Variants in TRAPPC2 observed in about 807,000 individuals in gnomAD.
The protein encoded by TRAPPC2 is sedlin.
TRAPPC2 carries 4 observed loss-of-function variants against 10.0 expected under a neutral mutation model. The ratio of observed to expected loss-of-function variants is 0.40; its 90% CI spans 0.20 to 0.92. The LOEUF (loss-of-function observed/expected upper bound fraction) is 0.92. Ranked by LOEUF, TRAPPC2 falls within the 40% of genes least tolerant of loss-of-function variation. TRAPPC2 has a pLI of 0.35. For missense variants in TRAPPC2, 52 were observed against 108.7 expected, an observed-to-expected ratio of 0.48 and a Z score of 2.32; for synonymous variants, 36 against 37.3, an observed-to-expected ratio of 0.97 and a Z score of 0.12.
intron 3 of TRAPPC2, among the ~76,000 whole-genome samples, chrX:13,717,418 T>A (rs1469777013): frequency 1.8e-5 from 2 of 112,294 alleles, no homozygotes; most frequent in Non-Finnish European, 3.8e-5. Flanking sequence ...GAACTTGGAA[T>A]GCAGTCTTAC....
chrX:13,734,427 G>A (rs762988620), intron 1 of TRAPPC2, 98 bp downstream of exon 1: 33 of 256,061 alleles, frequency 1.3e-4, no homozygotes, highest in Non-Finnish European at 2.2e-4. Context: ...CCGGGGAGGG[G>A]TGGAGGTACA....
rs2046257011 is a variant in TRAPPC2 at position 13,714,345 on chromosome X, A to C, written c.*62T>G. 1 of 718,343 alleles carries C rather than the reference A, an allele frequency of 1.4e-6. No individual in the cohort carries two copies. Among genetic ancestry groups the C allele is most frequent in the African/African-American group, 2.2e-5 (1 of 46,089 alleles). 59.2% of individuals were successfully genotyped at this position (718,343 alleles called of 1,213,427 possible). A position where few individuals can be genotyped will look rare whatever the true frequency, so the allele number is the denominator to read the frequency against. ...AGGCTATTTAATCAAGTAACTTACA[A>C]TGTACACATTCCTGAGTATACACCA... is the stretch of plus-strand genomic sequence containing the variant. On this transcript the variant is annotated 3_prime_UTR_variant, in exon 6 of 6. Transcript: ENST00000380579.
chrX:13,720,819 A>G (rs2046390197), intron 2 of TRAPPC2: 1 of 110,991 alleles, frequency 9.0e-6, no homozygotes, highest in African/African-American at 3.3e-5. Flanking sequence ...TCAGCCCAGG[A>G]CTTCGAGACC....
At chrX:13,716,501 A>T (rs2046288782) in intron 4 of TRAPPC2, 33 bp downstream of exon 4, 2 of 1,208,837 alleles carry the variant, frequency 1.7e-6, no homozygotes, top group Non-Finnish European at 2.2e-6. Flanking sequence ...CCCAAACTTT[A>T]GTTAGTTACC....
chrX:13,715,112 T>C (rs1214052624), intron 5 of TRAPPC2, among the ~76,000 whole-genome samples: 1 of 112,910 alleles, frequency 8.9e-6, no homozygotes, highest in Non-Finnish European at 1.9e-5. Flanking sequence ...CTAGGAATAC[T>C]GTTAAATTGT....
At chrX:13,724,976 G>T (rs1167995253) in intron 2 of TRAPPC2, among the ~76,000 whole-genome samples, 1 of 113,319 alleles carries the variant, frequency 8.8e-6, no homozygotes, top group Non-Finnish European at 1.9e-5. Flanking sequence ...CAGGTCCCAC[G>T]CCCACGGAGC....
chrX:13,730,615 C>G (rs748702052), intron 2 of TRAPPC2, among the ~76,000 whole-genome samples: 2 of 111,569 alleles, frequency 1.8e-5, no homozygotes, highest in Non-Finnish European at 3.8e-5. Context: ...GACACAAGCA[C>G]ACGTATGTTT....
In TRAPPC2 at chrX:13,713,993, A is replaced by C. The variant is rs888398525; in HGVS notation, c.*414T>G. The C allele has an allele frequency of 1.8e-5, 2 of 108,630 alleles. No homozygotes were observed. Among genetic ancestry groups the C allele is most frequent in the African/African-American group, 6.7e-5 (2 of 29,632 alleles). The allele number at this position is 108,630 out of a possible 1,213,427, so 9.0% of individuals were successfully genotyped here. On this transcript the variant is annotated 3_prime_UTR_variant, in exon 6 of 6. Transcript: ENST00000380579. ...ACCCTGTCTCTACTAAAAATACAAAAATTAGCCGGGCGTGGTGGCACGCGC... is the reference window on the plus strand; with the variant it reads ...ACCCTGTCTCTACTAAAAATACAAACATTAGCCGGGCGTGGTGGCACGCGC...
Position 13,734,091 on chromosome X carries a change from T to C in TRAPPC2, c.-67A>G, listed in dbSNP as rs1175381015. ...GTTGGTACTCTAAAACGTTTAGCTC[T>C]GTGGATCTCAACCCGGAGCGATCTT... On this transcript the variant is annotated 5_prime_UTR_variant, in exon 2 of 6. Coordinates refer to ENST00000380579, the MANE Select transcript of TRAPPC2 (RefSeq NM_001011658.4). 1.9e-6 allele frequency: 1 copy of C among 514,484 alleles called. No individual in the cohort carries two copies. Among genetic ancestry groups the C allele is most frequent in the Non-Finnish European group, 3.5e-6 (1 of 286,562 alleles). The allele number at this position is 514,484 out of a possible 1,213,427, so 42.4% of individuals were successfully genotyped here.
At chrX:13,719,791 T>C in intron 3 of TRAPPC2, 80 bp downstream of exon 3, 2 of 741,219 alleles carry the variant, frequency 2.7e-6, no homozygotes, top group Non-Finnish European at 3.8e-6. Flanking sequence ...TGGATTTCAG[T>C]TACCTTATCT....
chrX:13,734,105 C>A lies in TRAPPC2; in HGVS notation c.-81G>T, dbSNP rs1286457868. On this transcript the variant is annotated 5_prime_UTR_variant, in exon 2 of 6. Transcript: ENST00000380579. ...ACGTTTAGCTCTGTGGATCTCAACC[C>A]GGAGCGATCTTGCTTCCAAGAGGAC... 7.8e-6 allele frequency: 4 copies of A among 511,639 alleles called. No individual in the cohort carries two copies. The highest frequency in any genetic ancestry group is 1.0e-5 in the Non-Finnish European group (3 of 285,950). 42.2% of individuals were successfully genotyped at this position (511,639 alleles called of 1,213,427 possible).
Position 13,720,053 on chromosome X carries a change from G to A in TRAPPC2, c.-19-71C>T, listed in dbSNP as rs887906785. 8 of 755,608 alleles carry A rather than the reference G, an allele frequency of 1.1e-5. No individual in the cohort carries two copies. The African/African-American group carries it at 1.3e-4, about 12-fold the overall frequency. 62.3% of individuals were successfully genotyped at this position (755,608 alleles called of 1,213,427 possible). ...AATTAAAAAATGACTAATGGGAAGT[G>A]TAGAATTCTTTTTTAAATTTAAACC... On this transcript the variant is annotated intron_variant, in intron 2 of 5. Transcript: ENST00000380579.
At chrX:13,733,903 C>G in intron 2 of TRAPPC2, 141 bp downstream of exon 2, 1 of 422,894 alleles carries the variant, frequency 2.4e-6, no homozygotes. Context: ...TCAACCACCT[C>G]CCCTTTAAAC....
At chrX:13,718,040 G>A (rs2046334063) in intron 3 of TRAPPC2, among the ~76,000 whole-genome samples, 1 of 112,553 alleles carries the variant, frequency 8.9e-6, no homozygotes, top group Non-Finnish European at 1.9e-5. Context: ...AGCTGGGAGA[G>A]AGGCCTGGAC....
At chrX:13,716,180 A>G (rs1348098954) in intron 4 of TRAPPC2, 91 bp from the exon 5 acceptor site, 2 of 962,730 alleles carry the variant, frequency 2.1e-6, no homozygotes, top group East Asian at 3.4e-5. Context: ...AGTCACATGC[A>G]GTGTATTTGT....
intron 2 of TRAPPC2, among the ~76,000 whole-genome samples, chrX:13,732,579 A>G (rs904613999): frequency 8.9e-6 from 1 of 112,670 alleles, no homozygotes; most frequent in African/African-American, 3.2e-5. Context: ...GGGGAAGTGC[A>G]GTACCTACAG....
chrX:13,731,741 G>A (rs111618222), intron 2 of TRAPPC2, among the ~76,000 whole-genome samples: 3 of 112,091 alleles, frequency 2.7e-5, no homozygotes, highest in Non-Finnish European at 3.8e-5. Context: ...TGGGTGCTCC[G>A]TGTCAATTTA....
At chrX:13,719,752 G>A (rs2046368600) in intron 3 of TRAPPC2, 119 bp downstream of exon 3, 2 of 540,444 alleles carry the variant, frequency 3.7e-6, no homozygotes, top group Non-Finnish European at 2.9e-6. Context: ...CAGTCTGTGG[G>A]CTCCTGAGCA....
intron 1 of TRAPPC2, 113 bp from the exon 2 acceptor site, chrX:13,734,298 G>C (rs1311134871): frequency 5.6e-6 from 2 of 356,947 alleles, no homozygotes; most frequent in Non-Finnish European, 9.8e-6. Flanking sequence ...AAGAAACCCT[G>C]GGTTAGCTGA....
Sources: allele counts gnomAD v4.1 joint callset (sites outside exome capture counted in the v4.1 genomes callset), GRCh38; gene constraint gnomAD v4.1.1; transcripts MANE v1.5; gene names NCBI Gene and HGNC (gene_info 2026-07-23, HGNC 2026-07-21).